Variants in PDE4B observed in about 807,000 individuals in gnomAD.
The protein encoded by PDE4B is phosphodiesterase 4B.
A neutral mutation model predicts 82.2 loss-of-function variants in PDE4B; 20 were observed. The ratio of observed to expected loss-of-function variants is 0.24; its 90% CI spans 0.17 to 0.35. The LOEUF is 0.35. PDE4B is among the 10% of genes least tolerant of loss of function. The pLI is 1.00. For missense variants in PDE4B, 655 were observed against 907.2 expected (o/e 0.72, Z 3.57); for synonymous variants, 320 against 318.9 (o/e 1.00, Z -0.04).
At chr1:65,944,902 T>C (rs981896135) in intron 3 of PDE4B, among the ~76,000 whole-genome samples, 10 of 151,930 alleles carry the variant, frequency 6.6e-5, no homozygotes, top group African/African-American at 2.4e-4. Flanking sequence ...AGCTGCTACC[T>C]GGTCACTTTG....
chr1:65,955,271 A>G (rs1649197144), intron 3 of PDE4B, among the ~76,000 whole-genome samples: 1 of 151,998 alleles, frequency 6.6e-6, no homozygotes. Context: ...ACACATAAAG[A>G]CCTTTTGTTC....
intron 3 of PDE4B, among the ~76,000 whole-genome samples, chr1:66,082,705 T>G (rs1469899507): frequency 6.6e-6 from 1 of 151,806 alleles, no homozygotes; most frequent in Non-Finnish European, 1.5e-5. Context: ...TAAATAAATA[T>G]TTGTGGTAGT....
intron 3 of PDE4B, among the ~76,000 whole-genome samples, chr1:66,101,761 A>T (rs1645229549): frequency 6.6e-6 from 1 of 151,536 alleles, no homozygotes; most frequent in South Asian, 2.1e-4. Flanking sequence ...GATTGCAAAA[A>T]TTTTCTCCCA....
chr1:65,882,239 G>C (rs1002931812), intron 1 of PDE4B, among the ~76,000 whole-genome samples: 2 of 152,180 alleles, frequency 1.3e-5, no homozygotes, highest in Non-Finnish European at 2.9e-5. Flanking sequence ...ATGGTTACCA[G>C]TGTGCATCTG....
intron 3 of PDE4B, among the ~76,000 whole-genome samples, chr1:66,201,551 ACTT>A (rs1177701404): frequency 6.6e-6 from 1 of 150,376 alleles, no homozygotes; most frequent in Non-Finnish European, 1.5e-5. Context: ...CAAAGATTTA[ACTT>A]CTTCTTTGTT....
chr1:66,089,194 A>G (rs1326883349), intron 3 of PDE4B, among the ~76,000 whole-genome samples: 1 of 152,132 alleles, frequency 6.6e-6, no homozygotes, highest in Non-Finnish European at 1.5e-5. Context: ...GGAAATAATT[A>G]TACTGAATTT....
intron 1 of PDE4B, among the ~76,000 whole-genome samples, chr1:65,846,688 C>A (rs1212948496): frequency 6.6e-6 from 1 of 152,072 alleles, no homozygotes; most frequent in African/African-American, 2.4e-5. Context: ...GGAGTAGTAG[C>A]AAGTGATTCT....
At chr1:65,872,672 T>C (rs1419290940) in intron 1 of PDE4B, among the ~76,000 whole-genome samples, 1 of 152,200 alleles carries the variant, frequency 6.6e-6, no homozygotes, top group African/African-American at 2.4e-5. Flanking sequence ...TTCTCTGTCC[T>C]CAGTCAGCAT....
At chr1:65,942,467 A>G (rs1648497848) in intron 3 of PDE4B, among the ~76,000 whole-genome samples, 1 of 151,934 alleles carries the variant, frequency 6.6e-6, no homozygotes, top group African/African-American at 2.4e-5. Context: ...TATCTTGGCT[A>G]TTGTGAACAG....
intron 6 of PDE4B, among the ~76,000 whole-genome samples, chr1:66,258,148 T>C (rs1346361195): frequency 6.6e-6 from 1 of 152,214 alleles, no homozygotes; most frequent in East Asian, 1.9e-4. Flanking sequence ...TTTCGTTGAC[T>C]TTTACATTTA....
At chr1:66,149,470 A>C (rs1241034931) in intron 3 of PDE4B, among the ~76,000 whole-genome samples, 2 of 152,020 alleles carry the variant, frequency 1.3e-5, no homozygotes, top group Non-Finnish European at 2.9e-5. Context: ...TCAAATTTGC[A>C]TTTTTTTCTT....
At chr1:66,123,472 T>G (rs1438537506) in intron 3 of PDE4B, among the ~76,000 whole-genome samples, 1 of 152,170 alleles carries the variant, frequency 6.6e-6, no homozygotes. Context: ...GGAGAATGCC[T>G]GCCTGCCTTT....
chr1:65,822,000 G>C (rs1570974405), intron 1 of PDE4B, among the ~76,000 whole-genome samples: 1 of 152,134 alleles, frequency 6.6e-6, no homozygotes, highest in South Asian at 2.1e-4. Flanking sequence ...TGTATTGCTG[G>C]TCTAGCATTT....
intron 3 of PDE4B, among the ~76,000 whole-genome samples, chr1:66,133,850 G>A (rs1646000513): frequency 6.6e-6 from 1 of 152,122 alleles, no homozygotes; most frequent in Admixed American, 6.5e-5. Context: ...GTTGGTAGCT[G>A]GAGTTGGGCT....
At chr1:66,177,489 C>T (rs956154292) in intron 3 of PDE4B, among the ~76,000 whole-genome samples, 7 of 152,188 alleles carry the variant, frequency 4.6e-5, no homozygotes, top group African/African-American at 1.4e-4. Context: ...ATCTGACAAG[C>T]GTTGGTCTTT....
intron 1 of PDE4B, among the ~76,000 whole-genome samples, chr1:65,854,807 C>G (rs1028731372): frequency 6.6e-6 from 1 of 151,902 alleles, no homozygotes; most frequent in Non-Finnish European, 1.5e-5. Context: ...CATCTTTCCT[C>G]TCCTCTGGAA....
At chr1:66,155,063 A>G (rs904126673) in intron 3 of PDE4B, among the ~76,000 whole-genome samples, 5 of 152,112 alleles carry the variant, frequency 3.3e-5, no homozygotes, top group Non-Finnish European at 7.4e-5. Flanking sequence ...CGGGAGGTTG[A>G]GTCTGCAGTG....
intron 1 of PDE4B, among the ~76,000 whole-genome samples, chr1:65,879,321 A>G (rs1646684794): frequency 6.6e-6 from 1 of 152,146 alleles, no homozygotes; most frequent in Admixed American, 6.6e-5. Context: ...TTTTTCTGAT[A>G]TTTATAAGAT....
chr1:66,318,109 C>A (rs1659150928), intron 7 of PDE4B, among the ~76,000 whole-genome samples: 1 of 152,128 alleles, frequency 6.6e-6, no homozygotes, highest in African/African-American at 2.4e-5. Context: ...GCCTGGGAAT[C>A]ACCCCCAGGA....
Sources: gnomAD v4.1 joint callset for allele counts (sites outside exome capture counted in the v4.1 genomes callset) on GRCh38, gnomAD v4.1.1 for gene constraint, MANE v1.5 for transcripts, NCBI Gene and HGNC (gene_info 2026-07-23, HGNC 2026-07-21) for gene names.